The following PCNT variants were observed in gnomAD, a reference collection of about 807,000 sequenced individuals.
PCNT encodes kendrin.
In PCNT, 319 loss-of-function variants were observed where a neutral mutation model predicts 380.4. That is an observed-to-expected ratio of 0.84 (90% CI 0.77 to 0.92). PCNT has a LOEUF of 0.92. PCNT is among the 40% of genes least tolerant of loss of function. The pLI is 0.00. For synonymous variants in PCNT, 1,845 were observed against 1,735.2 expected, an observed-to-expected ratio of 1.06 and a Z score of -1.57; for missense variants, 4,400 against 4,255.3, an observed-to-expected ratio of 1.03 and a Z score of -0.95.
At position 46,444,695 on chromosome 21, in the gene PCNT, G is replaced by A. The variant is rs1569317423; in HGVS notation, c.9841G>A (p.Ala3281Thr). ...CTTGGTGTGGTAATTTGTTTGAAGA[G>A]CCACTCCATCCCCAAATTCAAGATT... ...AAASPHSGGR[A>T]TPSPNSRLER... The change falls in exon 46 of 47, where the codon GCC becomes ACC. Residue 3281 changes from alanine (A) to threonine (T), a missense_variant and splice_region_variant. Coordinates refer to ENST00000359568, the MANE Select transcript of PCNT (RefSeq NM_006031.6). The A allele has an allele frequency of 6.2e-7, 1 of 1,606,002 alleles. No homozygotes were observed.
In PCNT at chr21:46,412,087, C is replaced by A. The variant is rs770713444; in HGVS notation, c.5994+20C>A. On this transcript the variant is annotated intron_variant, in intron 28 of 46. Transcript: ENST00000359568. Reference sequence around the variant, plus strand: ...CCACAGGTGGGCTCCCCCCGCGGGCCATGGCAGGGTATTTTTTTTTACTCT... The same window carrying A: ...CCACAGGTGGGCTCCCCCCGCGGGCAATGGCAGGGTATTTTTTTTTACTCT... 30 of 1,601,350 alleles carry A rather than the reference C, an allele frequency of 1.9e-5. No homozygotes were observed. Among genetic ancestry groups the A allele is most frequent in the Middle Eastern group, 2.1e-4 (1 of 4,676 alleles).
At chr21:46,422,189 T>C in intron 32 of PCNT, 65 bp downstream of exon 32, 2 of 1,591,868 alleles carry the variant, frequency 1.3e-6, no homozygotes, top group Non-Finnish European at 1.7e-6. Context: ...CCCCAAGCCC[T>C]GTGTCCTGCC....
chr21:46,445,685 G>A lies in PCNT; in HGVS notation c.*358G>A, dbSNP rs2053733897. The stretch of plus-strand genomic sequence containing the variant: ...CTGTTGTTTTGTTTATTTTCTTAAC[G>A]TGTACAGATGGAAACTTCATTTAAA... On this transcript the variant is annotated 3_prime_UTR_variant, in exon 47 of 47. Transcript: ENST00000359568. The A allele has an allele frequency of 8.3e-6, 2 of 240,306 alleles. No individual in the cohort carries two copies. Among genetic ancestry groups the A allele is most frequent in the Admixed American group, 9.9e-5 (2 of 20,164 alleles). The allele number at this position is 240,306 out of a possible 1,614,324, so 14.9% of individuals were successfully genotyped here.
At chr21:46,336,344 C>G (rs1055582560) in intron 3 of PCNT, among the ~76,000 whole-genome samples, 2 of 150,984 alleles carry the variant, frequency 1.3e-5, no homozygotes, top group Non-Finnish European at 2.9e-5. Context: ...GAAGCACAGT[C>G]TCTGGTGGGT....
chr21:46,361,250 G>C (rs2084705326), intron 13 of PCNT, among the ~76,000 whole-genome samples: 5 of 152,176 alleles, frequency 3.3e-5, no homozygotes. Flanking sequence ...AATTAGGCGA[G>C]TATGGTGGTG....
intron 32 of PCNT, among the ~76,000 whole-genome samples, chr21:46,424,163 A>G (rs186651184): frequency 3.9e-5 from 6 of 152,156 alleles, no homozygotes; most frequent in Non-Finnish European, 8.8e-5. Context: ...ACGCTCTAAT[A>G]GCCCCTGTGG....
chr21:46,404,161 C>T (rs1226094373), intron 27 of PCNT, among the ~76,000 whole-genome samples: 2 of 151,238 alleles, frequency 1.3e-5, no homozygotes, highest in Admixed American at 6.6e-5. Context: ...GCCCACGTGG[C>T]GCGTGCTCGG....
chr21:46,326,587 C>G lies in PCNT; in HGVS notation c.265C>G (p.Gln89Glu). 1 of 1,613,684 alleles carries G rather than the reference C, an allele frequency of 6.2e-7. No individual in the cohort carries two copies. The highest frequency in any genetic ancestry group is 2.2e-5 in the East Asian group (1 of 44,882). The change falls in exon 2 of 47, where the codon CAG (glutamine) becomes GAG (glutamate). Residue 89 changes from glutamine to glutamate, a missense_variant and splice_region_variant. Gln to Glu is a conservative substitution (Grantham distance 29, BLOSUM62 2). Coordinates refer to ENST00000359568, the MANE Select transcript of PCNT (RefSeq NM_006031.6). ...TGGGGCAGGAGGGGCCTTTGCAGCT[C>G]AGGTAGATTTGCTCAATGTTGTATT... ...PDGAGGAFAAQPEDCDGEKRE... is the reference protein window; with the variant it reads ...PDGAGGAFAAEPEDCDGEKRE...
At chr21:46,331,765 CAA>C (rs773653884) in intron 2 of PCNT, among the ~76,000 whole-genome samples, 5 of 134,956 alleles carry the variant, frequency 3.7e-5, no homozygotes, top group Middle Eastern at 3.9e-3. Flanking sequence ...GGCCTTGTCT[CAA>C]AAAAAAAAAA....
chr21:46,342,415 G>A (rs932516946), intron 3 of PCNT, among the ~76,000 whole-genome samples: 3 of 152,100 alleles, frequency 2.0e-5, no homozygotes, highest in African/African-American at 7.2e-5. Context: ...TCTCCATACT[G>A]TATTTTTATA....
At chr21:46,365,346 T>TG (rs1473575204) in intron 14 of PCNT, among the ~76,000 whole-genome samples, 15 of 141,868 alleles carry the variant, frequency 1.1e-4, no homozygotes, top group Admixed American at 1.4e-4. Flanking sequence ...CATGGGGTTC[T>TG]ATTCACTGCC....
chr21:46,382,925 T>C (rs139835708), intron 16 of PCNT, among the ~76,000 whole-genome samples: 1,967 of 34,704 alleles, frequency 0.057, 8 homozygotes, highest in Middle Eastern at 0.17. Flanking sequence ...GTGGCGGAAG[T>C]GCATTCACAG....
intron 46 of PCNT, 109 bp from the exon 47 acceptor site, chr21:46,445,174 AC>A: frequency 2.4e-6 from 2 of 818,076 alleles, no homozygotes; most frequent in Non-Finnish European, 4.4e-6. Context: ...TCATATTTTT[AC>A]CAAAATTTAC....
chr21:46,391,506 TG>T, intron 21 of PCNT, 130 bp downstream of exon 21: 1 of 740,268 alleles, frequency 1.4e-6, no homozygotes, highest in South Asian at 1.8e-5. Flanking sequence ...CAGCTTCTCC[TG>T]GAACACTGGG....
chr21:46,413,054 T>G (rs1020509632), intron 29 of PCNT, 62 bp downstream of exon 29: 1 of 1,488,678 alleles, frequency 6.7e-7, no homozygotes, highest in Non-Finnish European at 9.1e-7. Flanking sequence ...GGCAGCAAGG[T>G]GTGGGGAGCG....
At position 46,334,723 on chromosome 21, in the gene PCNT, C is replaced by T; in HGVS notation, c.594C>T (p.Phe198=). The stretch of plus-strand genomic sequence containing the variant: ...ACACACCAGAACAGCGTGGGATCTT[C>T]ACAATCAGTGACCACCCAGCAGAAC... ...SDHTPEQRGI[F]TISDHPAEQR... Residue 198 remains phenylalanine, a synonymous_variant, in exon 3 of 47, where the codon TTC becomes TTT. Transcript: ENST00000359568. The T allele has an allele frequency of 6.2e-7, 1 of 1,614,002 alleles. No homozygotes were observed. Among genetic ancestry groups the T allele is most frequent in the Non-Finnish European group, 8.5e-7 (1 of 1,179,856 alleles).
chr21:46,400,919 C>G (rs577123211), intron 25 of PCNT, among the ~76,000 whole-genome samples: 1 of 152,338 alleles, frequency 6.6e-6, no homozygotes, highest in South Asian at 2.1e-4. Flanking sequence ...GGGAGGACCG[C>G]TGAGCATCAC....
chr21:46,363,963 C>T (rs755482590), intron 14 of PCNT, 29 bp downstream of exon 14: 2 of 1,585,568 alleles, frequency 1.3e-6, no homozygotes, highest in South Asian at 2.2e-5. Flanking sequence ...CATCTGCAGT[C>T]CCTGTGAGGC....
intron 7 of PCNT, 103 bp from the exon 8 acceptor site, chr21:46,349,581 G>A (rs768670497): frequency 7.8e-7 from 1 of 1,281,922 alleles, no homozygotes. Context: ...CCCAGGATGG[G>A]GCTCTGGGTG....
Sources: allele counts gnomAD v4.1 joint callset (sites outside exome capture counted in the v4.1 genomes callset), GRCh38; gene constraint gnomAD v4.1.1; transcripts MANE v1.5; gene names NCBI Gene and HGNC (gene_info 2026-07-23, HGNC 2026-07-21).